Variants in ZNF385D observed in about 807,000 individuals in gnomAD.
The protein encoded by ZNF385D is zinc finger protein 659.
In ZNF385D, 15 loss-of-function variants were observed where a neutral mutation model predicts 35.8. That is an observed-to-expected ratio of 0.42 (90% CI 0.28 to 0.64). The LOEUF (loss-of-function observed/expected upper bound fraction) is 0.64. Among genes scored for constraint, ZNF385D ranks in the 30% least tolerant of loss-of-function variants. The probability of loss-of-function intolerance (pLI) is 0.23; values close to 1 mark genes in which losing one functional copy is unlikely to be tolerated. For missense variants in ZNF385D, 474 were observed against 494.6 expected, an observed-to-expected ratio of 0.96 and a Z score of 0.39; for synonymous variants, 212 against 186.8, an observed-to-expected ratio of 1.13 and a Z score of -1.10.
chr3:22,030,304 C>CATATATATAT (rs1553591410), intron 3 of ZNF385D, among the ~76,000 whole-genome samples: 3 of 36,030 alleles, frequency 8.3e-5, no homozygotes, highest in Non-Finnish European at 1.5e-4. Context: ...TATATATATC[C>CATATATATAT]TATTTGGTCC....
intron 2 of ZNF385D, among the ~76,000 whole-genome samples, chr3:22,176,288 G>T (rs900036862): frequency 1.3e-5 from 2 of 152,076 alleles, no homozygotes; most frequent in East Asian, 3.8e-4. Flanking sequence ...GAAAGTCACA[G>T]AACAGAAGAT....
intron 4 of ZNF385D, among the ~76,000 whole-genome samples, chr3:21,451,805 G>T (rs1430205710): frequency 6.6e-6 from 1 of 152,002 alleles, no homozygotes; most frequent in African/African-American, 2.4e-5. Context: ...TTATAAAGGA[G>T]AAAACTAGCT....
At chr3:22,226,300 T>C (rs1163271065) in intron 2 of ZNF385D, among the ~76,000 whole-genome samples, 4 of 152,034 alleles carry the variant, frequency 2.6e-5, no homozygotes, top group Non-Finnish European at 5.9e-5. Flanking sequence ...CTTGGATGCA[T>C]GGGGCCTCAG....
chr3:21,993,742 G>A (rs2125400327), intron 3 of ZNF385D, among the ~76,000 whole-genome samples: 1 of 152,240 alleles, frequency 6.6e-6, no homozygotes, highest in South Asian at 2.1e-4. Context: ...CATTCCTGCA[G>A]ATCATTTGAA....
intron 3 of ZNF385D, among the ~76,000 whole-genome samples, chr3:21,780,088 C>G (rs6773413): frequency 2.0e-5 from 3 of 151,638 alleles, no homozygotes; most frequent in South Asian, 2.1e-4. Context: ...CACACCCACA[C>G]AGAAACACAC....
intron 3 of ZNF385D, among the ~76,000 whole-genome samples, chr3:22,078,617 T>C (rs1172998043): frequency 6.6e-6 from 1 of 152,050 alleles, no homozygotes; most frequent in Admixed American, 6.6e-5. Context: ...CCTGGTCACC[T>C]TGTTGACATT....
At chr3:22,194,099 C>T (rs1342553559) in intron 2 of ZNF385D, among the ~76,000 whole-genome samples, 1 of 151,850 alleles carries the variant, frequency 6.6e-6, no homozygotes, top group East Asian at 1.9e-4. Context: ...TTTACACATG[C>T]ATGAATGGTA....
chr3:22,196,714 T>C (rs1407733642), intron 2 of ZNF385D, among the ~76,000 whole-genome samples: 1 of 152,090 alleles, frequency 6.6e-6, no homozygotes, highest in Non-Finnish European at 1.5e-5. Flanking sequence ...ACGTCATTTA[T>C]TACAATTCTA....
At chr3:21,700,947 G>T (rs2067659820) in intron 1 of ZNF385D, among the ~76,000 whole-genome samples, 1 of 152,104 alleles carries the variant, frequency 6.6e-6, no homozygotes, top group Non-Finnish European at 1.5e-5. Context: ...CCGCCTCCAG[G>T]TGTACTCTAA....
intron 3 of ZNF385D, among the ~76,000 whole-genome samples, chr3:22,152,220 T>C (rs1002190255): frequency 2.0e-5 from 3 of 152,166 alleles, no homozygotes; most frequent in Admixed American, 1.3e-4. Context: ...ATTTAAACAA[T>C]TGCATTGGGT....
intron 2 of ZNF385D, among the ~76,000 whole-genome samples, chr3:22,214,687 C>G (rs1287157860): frequency 6.6e-6 from 1 of 151,992 alleles, no homozygotes; most frequent in African/African-American, 2.4e-5. Context: ...CGCTCCCAGG[C>G]TTATTAGGAC....
At chr3:21,862,789 A>G (rs1359923527) in intron 3 of ZNF385D, among the ~76,000 whole-genome samples, 1 of 152,136 alleles carries the variant, frequency 6.6e-6, no homozygotes, top group Non-Finnish European at 1.5e-5. Flanking sequence ...CTGCTGCCAC[A>G]GATCTGAGAT....
At chr3:22,004,724 T>C (rs956754851) in intron 3 of ZNF385D, among the ~76,000 whole-genome samples, 3 of 152,084 alleles carry the variant, frequency 2.0e-5, no homozygotes, top group Non-Finnish European at 4.4e-5. Context: ...AATGCATATC[T>C]CCTCCTTTGG....
intron 3 of ZNF385D, among the ~76,000 whole-genome samples, chr3:22,014,472 T>C (rs921779438): frequency 6.6e-6 from 1 of 152,124 alleles, no homozygotes; most frequent in African/African-American, 2.4e-5. Context: ...TAACATGGAA[T>C]GCTCATCAAA....
intron 3 of ZNF385D, chr3:21,777,508 G>C (rs1468320227): frequency 6.6e-6 from 1 of 151,862 alleles, no homozygotes; most frequent in African/African-American, 2.4e-5. Context: ...GCATTGGGAA[G>C]AAAGGCTTTC....
chr3:21,553,594 T>C (rs1575162992), intron 3 of ZNF385D, among the ~76,000 whole-genome samples: 1 of 152,132 alleles, frequency 6.6e-6, no homozygotes, highest in African/African-American at 2.4e-5. Context: ...ACAGTGAAGT[T>C]TGTTGCATCT....
chr3:21,881,837 A>C (rs918792617), intron 3 of ZNF385D, among the ~76,000 whole-genome samples: 2 of 152,028 alleles, frequency 1.3e-5, no homozygotes, highest in African/African-American at 2.4e-5. Context: ...GAAAAAGTTG[A>C]TTCCAACCCT....
intron 3 of ZNF385D, among the ~76,000 whole-genome samples, chr3:21,832,614 G>C (rs1333150840): frequency 6.6e-6 from 1 of 152,170 alleles, no homozygotes; most frequent in Non-Finnish European, 1.5e-5. Context: ...AAATACATTT[G>C]AAATTTGCAT....
intron 2 of ZNF385D, among the ~76,000 whole-genome samples, chr3:22,246,166 C>T (rs1214876597): frequency 1.3e-5 from 2 of 152,180 alleles, no homozygotes; most frequent in East Asian, 1.9e-4. Context: ...TATTTTAATA[C>T]TTCACACAAG....
Sources: allele counts gnomAD v4.1 joint callset (sites outside exome capture counted in the v4.1 genomes callset), GRCh38; gene constraint gnomAD v4.1.1; transcripts MANE v1.5; gene names NCBI Gene and HGNC (gene_info 2026-07-23, HGNC 2026-07-21).